PHTF2: variants seen among roughly 807,000 people sequenced by gnomAD.
PHTF2 encodes the protein protein PHTF2.
In PHTF2, 60 loss-of-function variants were observed where a neutral mutation model predicts 101.2. The observed-to-expected ratio is 0.59, with a 90% CI of 0.48 to 0.73. The LOEUF (loss-of-function observed/expected upper bound fraction) is 0.73. Ranked by LOEUF, PHTF2 falls within the 30% of genes least tolerant of loss-of-function variation. PHTF2 has a pLI of 0.00. For missense variants in PHTF2, 747 were observed against 908.7 expected (o/e 0.82, Z 2.29); for synonymous variants, 311 against 307.3 (o/e 1.01, Z -0.13).
At chr7:77,866,696 A>G (rs943304847) in intron 3 of PHTF2, among the ~76,000 whole-genome samples, 1 of 152,236 alleles carries the variant, frequency 6.6e-6, no homozygotes, top group Non-Finnish European at 1.5e-5. Context: ...ATGAATAGCA[A>G]TAATATGTTA....
At chr7:77,935,132 C>T (rs866736405) in intron 12 of PHTF2, among the ~76,000 whole-genome samples, 2 of 18,644 alleles carry the variant, frequency 1.1e-4, no homozygotes, top group Non-Finnish European at 2.6e-4. Context: ...CCCCCCCCCA[C>T]ACACACACAC....
chr7:77,875,207 A>G (rs1407021560), intron 3 of PHTF2, among the ~76,000 whole-genome samples: 1 of 152,104 alleles, frequency 6.6e-6, no homozygotes, highest in Non-Finnish European at 1.5e-5. Context: ...CTTCTAGTCC[A>G]TGAGCGTGGG....
At chr7:77,867,326 G>C (rs1021197777) in intron 3 of PHTF2, among the ~76,000 whole-genome samples, 5 of 151,954 alleles carry the variant, frequency 3.3e-5, no homozygotes, top group Non-Finnish European at 7.4e-5. Flanking sequence ...GGTCGTTTTT[G>C]TGGATGGATA....
chr7:77,949,612 A>C (rs916464852), intron 16 of PHTF2, 66 bp from the exon 16 acceptor site: 21 of 792,384 alleles, frequency 2.7e-5, no homozygotes, highest in Non-Finnish European at 4.0e-5. Context: ...ATCTATGTTT[A>C]TTTCTTTTGA....
intron 1 of PHTF2, among the ~76,000 whole-genome samples, chr7:77,836,291 A>AAGGAGGTGAAAGGGGAGGC (rs1375780869): frequency 6.6e-6 from 1 of 152,044 alleles, no homozygotes; most frequent in African/African-American, 2.4e-5. Context: ...AGAAGAGGTA[A>AAGGAGGTGAAAGGGGAGGC]AGGAGGTGAA....
At chr7:77,845,238 C>G (rs555215300) in intron 2 of PHTF2, among the ~76,000 whole-genome samples, 4 of 152,206 alleles carry the variant, frequency 2.6e-5, no homozygotes, top group Middle Eastern at 3.4e-3. Flanking sequence ...TCCACTGTGA[C>G]TGTGCAGATA....
chr7:77,839,881 ATGAAT>A (rs1429459320), intron 1 of PHTF2, among the ~76,000 whole-genome samples: 4 of 152,206 alleles, frequency 2.6e-5, no homozygotes, highest in Non-Finnish European at 5.9e-5. Context: ...TACTGATTGA[ATGAAT>A]TGGTTTCTTG....
intron 1 of PHTF2, among the ~76,000 whole-genome samples, chr7:77,831,319 G>T (rs555698985): frequency 2.6e-5 from 4 of 152,338 alleles, no homozygotes; most frequent in African/African-American, 7.2e-5. Context: ...TATTCTTAGC[G>T]GCTAAAGCAT....
intron 1 of PHTF2, among the ~76,000 whole-genome samples, chr7:77,834,037 G>A (rs973793175): frequency 4.6e-5 from 7 of 152,228 alleles, no homozygotes; most frequent in East Asian, 1.9e-4. Context: ...AATCAAGCTT[G>A]AGGATTGCAA....
chr7:77,849,190 C>A (rs943328936), intron 2 of PHTF2, among the ~76,000 whole-genome samples: 2 of 151,904 alleles, frequency 1.3e-5, no homozygotes, highest in African/African-American at 4.8e-5. Context: ...GTGGCGTGAT[C>A]CCGGCTTACT....
At chr7:77,949,967 T>C (rs1285860308) in intron 17 of PHTF2, 134 bp downstream of exon 16, 4 of 513,158 alleles carry the variant, frequency 7.8e-6, no homozygotes, top group Non-Finnish European at 1.3e-5. Context: ...TAAAATTTAA[T>C]AGGACACAAG....
chr7:77,841,963 ACTG>A (rs1795921764), intron 2 of PHTF2, among the ~76,000 whole-genome samples: 1 of 152,176 alleles, frequency 6.6e-6, no homozygotes, highest in Non-Finnish European at 1.5e-5. Flanking sequence ...TTTAGACTTT[ACTG>A]AAGATCATTT....
chr7:77,893,801 CTT>C, intron 4 of PHTF2, 137 bp downstream of exon 3: 1 of 617,686 alleles, frequency 1.6e-6, no homozygotes, highest in Non-Finnish European at 2.8e-6. Flanking sequence ...AAGAAGTAAA[CTT>C]TATTTACCAT....
chr7:77,951,492 A>G (rs1806539829), intron 17 of PHTF2, 125 bp from the exon 17 acceptor site: 3 of 440,512 alleles, frequency 6.8e-6, no homozygotes, highest in East Asian at 3.9e-5. Context: ...TTTGGAATAT[A>G]TAGTATAAAG....
intron 2 of PHTF2, among the ~76,000 whole-genome samples, chr7:77,851,441 C>A (rs530692182): frequency 1.8e-4 from 28 of 152,128 alleles, no homozygotes; most frequent in African/African-American, 6.0e-4. Flanking sequence ...TCTGTAGAGT[C>A]CATTATAATA....
chr7:77,918,449 C>T (rs1219082183), intron 9 of PHTF2, among the ~76,000 whole-genome samples: 1 of 152,150 alleles, frequency 6.6e-6, no homozygotes, highest in Non-Finnish European at 1.5e-5. Flanking sequence ...CCCCCTTTTC[C>T]TCTCCCTTCT....
chr7:77,921,377 T>C (rs1350036863), intron 10 of PHTF2, among the ~76,000 whole-genome samples: 1 of 152,244 alleles, frequency 6.6e-6, no homozygotes, highest in Non-Finnish European at 1.5e-5. Flanking sequence ...TTGAACAGTT[T>C]ATTCTTTAGA....
chr7:77,905,780 G>C (rs940253383), intron 7 of PHTF2, among the ~76,000 whole-genome samples: 1 of 152,004 alleles, frequency 6.6e-6, no homozygotes. Flanking sequence ...TTACAGGTGT[G>C]AGCCATTGCA....
At chr7:77,894,186 T>A (rs1800690524) in intron 5 of PHTF2, among the ~76,000 whole-genome samples, 193 bp downstream of exon 4, 1 of 152,250 alleles carries the variant, frequency 6.6e-6, no homozygotes, top group Non-Finnish European at 1.5e-5. Context: ...GGCATTTTCT[T>A]CCTGAACATG....
Sources: allele counts gnomAD v4.1 joint callset (sites outside exome capture counted in the v4.1 genomes callset), GRCh38; gene constraint gnomAD v4.1.1; transcripts MANE v1.5; gene names NCBI Gene and HGNC (gene_info 2026-07-23, HGNC 2026-07-21).